Variants in ANO10 observed in about 807,000 individuals in gnomAD.
ANO10 encodes anoctamin-10.
ANO10 carries 77 observed loss-of-function variants against 74.7 expected under a neutral mutation model. The observed-to-expected ratio is 1.03, with a 90% confidence interval of 0.86 to 1.25. The LOEUF is 1.25. Ranked by LOEUF, ANO10 falls within the 50% of genes most tolerant of loss-of-function variation. The probability of loss-of-function intolerance (pLI) is 0.00; values close to 1 mark genes in which losing one functional copy is unlikely to be tolerated. For missense variants in ANO10, 721 were observed against 778.1 expected (o/e 0.93, Z 0.87); for synonymous variants, 279 against 284.9 (o/e 0.98, Z 0.21).
intron 11 of ANO10, among the ~76,000 whole-genome samples, chr3:43,490,426 A>G (rs6441778): frequency 6.6e-6 from 1 of 152,152 alleles, no homozygotes; most frequent in Non-Finnish European, 1.5e-5. Context: ...GAGGGGGAAG[A>G]AAAGTATTTT....
At chr3:43,387,022 G>C (rs899809589) in intron 12 of ANO10, among the ~76,000 whole-genome samples, 1 of 152,128 alleles carries the variant, frequency 6.6e-6, no homozygotes, top group African/African-American at 2.4e-5. Context: ...GTCCCTTAAC[G>C]ATGGGACACG....
chr3:43,402,371 G>T (rs989824505), intron 12 of ANO10, among the ~76,000 whole-genome samples: 1 of 151,980 alleles, frequency 6.6e-6, no homozygotes, highest in Non-Finnish European at 1.5e-5. Context: ...GCCTAGATGT[G>T]GTATTTATCA....
chr3:43,495,006 T>TG (rs2076863130), intron 11 of ANO10, among the ~76,000 whole-genome samples: 1 of 152,080 alleles, frequency 6.6e-6, no homozygotes, highest in South Asian at 2.1e-4. Flanking sequence ...AATTTTGCCC[T>TG]ATCAAATACT....
intron 12 of ANO10, among the ~76,000 whole-genome samples, chr3:43,406,552 A>G (rs1000609698): frequency 2.6e-5 from 4 of 152,234 alleles, no homozygotes; most frequent in Non-Finnish European, 5.9e-5. Flanking sequence ...TTCTGTACGC[A>G]TATGACTGAC....
chr3:43,636,419 AGAGTCCAGG>A (rs2083611635), intron 1 of ANO10: 1 of 152,252 alleles, frequency 6.6e-6, no homozygotes, highest in South Asian at 2.1e-4. Flanking sequence ...GGTTAGCTGG[AGAGTCCAGG>A]GAGGATAACA....
chr3:43,430,925 A>G (rs1458214690), intron 12 of ANO10, among the ~76,000 whole-genome samples: 1 of 152,154 alleles, frequency 6.6e-6, no homozygotes, highest in African/African-American at 2.4e-5. Flanking sequence ...TTTCTTCTGT[A>G]AATGTGAATT....
chr3:43,642,688 A>G (rs1172693353), intron 1 of ANO10, among the ~76,000 whole-genome samples: 1 of 151,580 alleles, frequency 6.6e-6, no homozygotes, highest in Non-Finnish European at 1.5e-5. Context: ...CCCACCTCCT[A>G]TAGGTAATTA....
chr3:43,516,524 G>A (rs1023274764), intron 11 of ANO10, among the ~76,000 whole-genome samples: 1 of 152,300 alleles, frequency 6.6e-6, no homozygotes, highest in South Asian at 2.1e-4. Context: ...ACTTTATTTT[G>A]TAAGAAAAGG....
At chr3:43,654,092 C>A (rs1197401099) in intron 1 of ANO10, among the ~76,000 whole-genome samples, 2 of 152,082 alleles carry the variant, frequency 1.3e-5, no homozygotes, top group Admixed American at 1.3e-4. Context: ...CCAGAGCCAC[C>A]AGCTCTGAAG....
intron 1 of ANO10, among the ~76,000 whole-genome samples, chr3:43,663,093 A>G (rs1460374723): frequency 6.6e-6 from 1 of 152,186 alleles, no homozygotes; most frequent in Non-Finnish European, 1.5e-5. Context: ...CAACAAAAAA[A>G]GAGAATTTTA....
chr3:43,475,857 C>A (rs2076046421), intron 11 of ANO10, among the ~76,000 whole-genome samples: 1 of 152,172 alleles, frequency 6.6e-6, no homozygotes, highest in Non-Finnish European at 1.5e-5. Context: ...CCACTTCAGC[C>A]TCCCAAAGTG....
At chr3:43,633,528 C>G (rs1318312131) in intron 1 of ANO10, among the ~76,000 whole-genome samples, 1 of 152,112 alleles carries the variant, frequency 6.6e-6, no homozygotes, top group African/African-American at 2.4e-5. Context: ...TAGAATAAAG[C>G]CATTGAAGTA....
intron 11 of ANO10, among the ~76,000 whole-genome samples, chr3:43,441,609 G>A (rs1040322205): frequency 6.6e-6 from 1 of 152,032 alleles, no homozygotes. Flanking sequence ...AATACACCTC[G>A]AATTCTTCCA....
intron 1 of ANO10, among the ~76,000 whole-genome samples, chr3:43,664,557 T>C (rs2083965355): frequency 6.6e-6 from 1 of 152,210 alleles, no homozygotes; most frequent in Non-Finnish European, 1.5e-5. Flanking sequence ...AAAGAGCTTC[T>C]GCACAGCAAC....
intron 1 of ANO10, among the ~76,000 whole-genome samples, chr3:43,671,148 T>C (rs761229520): frequency 1.1e-4 from 17 of 152,314 alleles, no homozygotes; most frequent in Non-Finnish European, 2.2e-4. Flanking sequence ...AGGTAGAATT[T>C]TGAATTCCTT....
At chr3:43,478,030 C>G (rs2076138044) in intron 11 of ANO10, among the ~76,000 whole-genome samples, 1 of 152,188 alleles carries the variant, frequency 6.6e-6, no homozygotes, top group Non-Finnish European at 1.5e-5. Flanking sequence ...AGGCCCTATT[C>G]TAAGTGCTTT....
Position 43,567,608 on chromosome 3 carries a change from A to C in ANO10, c.1219-1881T>G, listed in dbSNP as rs1462370164. Among the ~76,000 whole-genome samples the C allele has an allele frequency of 2.0e-5, 3 of 152,260 alleles. No individual in the cohort carries two copies. In the East Asian group the frequency reaches 5.8e-4, roughly 29 times the overall value. ...AAGCTTCATAAGTGAAGGAGAAATAAAATACTTTATAGACAAGCAAATGCT... is the reference window on the plus strand; with the variant it reads ...AAGCTTCATAAGTGAAGGAGAAATACAATACTTTATAGACAAGCAAATGCT... On this transcript the variant is annotated intron_variant, in intron 7 of 12. Transcript: ENST00000292246.
At chr3:43,601,444 G>A (rs529244789) in intron 2 of ANO10, among the ~76,000 whole-genome samples, 48 of 152,228 alleles carry the variant, frequency 3.2e-4, no homozygotes, top group African/African-American at 1.0e-3. Flanking sequence ...AGATTCACCC[G>A]CTTTGGCCTC....
At chr3:43,626,316 A>G (rs1388105453), upstream of ANO10, among the ~76,000 whole-genome samples, 2 of 139,180 alleles carry the variant, frequency 1.4e-5, no homozygotes, top group Non-Finnish European at 3.1e-5. Flanking sequence ...TTTTTTTGAG[A>G]CTGAGTCTCG....
Sources: gnomAD v4.1 joint callset for allele counts (sites outside exome capture counted in the v4.1 genomes callset) on GRCh38, gnomAD v4.1.1 for gene constraint, MANE v1.5 for transcripts, NCBI Gene and HGNC (gene_info 2026-07-23, HGNC 2026-07-21) for gene names.